The following MYOCD variants were observed in gnomAD, a reference collection of about 807,000 sequenced individuals.
MYOCD encodes myocardin.
In MYOCD, 32 loss-of-function variants were observed where a neutral mutation model predicts 96.1. The ratio of observed to expected loss-of-function variants is 0.33; its 90% CI spans 0.25 to 0.45. The LOEUF (loss-of-function observed/expected upper bound fraction) is 0.45, where lower values mean the gene tolerates loss of function less well. Among genes scored for constraint, MYOCD ranks in the 20% least tolerant of loss-of-function variants. The pLI is 1.00. For synonymous variants in MYOCD, 469 were observed against 469.0 expected (o/e 1.00, Z 0.00); for missense variants, 1,133 against 1,200.6 (o/e 0.94, Z 0.83).
At chr17:12,706,076 G>A (rs1360686641) in intron 2 of MYOCD, 1 of 152,156 alleles carries the variant, frequency 6.6e-6, no homozygotes, top group African/African-American at 2.4e-5. Flanking sequence ...ATATTGAAGC[G>A]CTATGACCCA....
chr17:12,686,002 G>C (rs560357804), intron 1 of MYOCD, among the ~76,000 whole-genome samples: 1 of 152,198 alleles, frequency 6.6e-6, no homozygotes, highest in Non-Finnish European at 1.5e-5. Context: ...CCTCTAAAGG[G>C]TCACTTTGGT....
At chr17:12,669,523 A>G (rs1472598299) in intron 1 of MYOCD, among the ~76,000 whole-genome samples, 2 of 152,234 alleles carry the variant, frequency 1.3e-5, no homozygotes, top group Non-Finnish European at 2.9e-5. Context: ...CTTTTTCACT[A>G]TATAGCAGTA....
chr17:12,753,862 T>C (rs1378105058), intron 10 of MYOCD, among the ~76,000 whole-genome samples: 1 of 152,160 alleles, frequency 6.6e-6, no homozygotes, highest in Non-Finnish European at 1.5e-5. Flanking sequence ...CATGTAATGG[T>C]CTGCATAGTG....
intron 1 of MYOCD, 92 bp downstream of exon 1, chr17:12,666,335 TG>T: frequency 2.0e-6 from 2 of 976,712 alleles, no homozygotes; most frequent in South Asian, 2.8e-5. Context: ...TTTCAAAGCC[TG>T]CCAGGTCTAC....
At chr17:12,725,729 G>A (rs1417255165) in intron 5 of MYOCD, among the ~76,000 whole-genome samples, 1 of 151,500 alleles carries the variant, frequency 6.6e-6, no homozygotes, top group Non-Finnish European at 1.5e-5. Flanking sequence ...TTATATTGAT[G>A]ATTACATACA....
intron 5 of MYOCD, among the ~76,000 whole-genome samples, chr17:12,724,177 C>A (rs2031929467): frequency 6.6e-6 from 1 of 152,170 alleles, no homozygotes; most frequent in Non-Finnish European, 1.5e-5. Context: ...GTAAAAATCT[C>A]CATCAGGCAT....
intron 1 of MYOCD, among the ~76,000 whole-genome samples, chr17:12,669,811 G>A (rs976870188): frequency 6.6e-6 from 1 of 152,022 alleles, no homozygotes; most frequent in East Asian, 1.9e-4. Context: ...GTAGAGACAG[G>A]GTTTCACCAT....
chr17:12,694,697 C>T (rs145416232), intron 1 of MYOCD, among the ~76,000 whole-genome samples: 5 of 152,142 alleles, frequency 3.3e-5, no homozygotes, highest in South Asian at 2.1e-4. Flanking sequence ...ACGTACCAAA[C>T]GCCTTCAAAT....
chr17:12,763,613 C>A lies in MYOCD; in HGVS notation c.2930C>A (p.Ser977Tyr), dbSNP rs2033252225. 6.2e-7 allele frequency: 1 copy of A among 1,613,240 alleles called. No individual in the cohort carries two copies. The highest frequency in any genetic ancestry group is 1.3e-5 in the African/African-American group (1 of 75,066). Reference sequence around the variant, plus strand: ...GATGTCACTGATCTCAATTTGAATTCTTCCATGGACCTTCACTTGCAGCAG... The same window carrying A: ...GATGTCACTGATCTCAATTTGAATTATTCCATGGACCTTCACTTGCAGCAG... ...FLDVTDLNLN[S>Y]SMDLHLQQW Residue 977 changes from serine to tyrosine, a missense_variant, in exon 14 of 14, where the codon TCT (serine) becomes TAT (tyrosine). Ser to Tyr is a moderately radical substitution (Grantham distance 144). Transcript: ENST00000425538.
chr17:12,705,472 T>C (rs964616293), intron 2 of MYOCD: 2 of 299,660 alleles, frequency 6.7e-6, no homozygotes, highest in South Asian at 2.9e-4. Context: ...CACCCCTGAC[T>C]CATCTACTTT....
At chr17:12,707,700 C>T (rs535225992) in intron 2 of MYOCD, among the ~76,000 whole-genome samples, 11 of 151,984 alleles carry the variant, frequency 7.2e-5, no homozygotes, top group East Asian at 3.9e-4. Flanking sequence ...GGCAACAGAG[C>T]GAGACTCCGT....
At chr17:12,673,629 C>T in intron 1 of MYOCD, among the ~76,000 whole-genome samples, 1 of 152,134 alleles carries the variant, frequency 6.6e-6, no homozygotes, top group East Asian at 1.9e-4. Flanking sequence ...CATAACACTA[C>T]TGTGAAATCC....
At position 12,753,258 on chromosome 17, in the gene MYOCD, A is replaced by G. The variant is rs1439297872; in HGVS notation, c.1970A>G (p.Asn657Ser). 1.9e-6 allele frequency: 3 copies of G among 1,613,868 alleles called. No individual in the cohort carries two copies. The East Asian group carries it at 6.7e-5, about 36-fold the overall frequency. The change falls in exon 10 of 14, where the codon AAC (asparagine) becomes AGC (serine). Residue 657 changes from asparagine (N) to serine (S), a missense_variant. Asn to Ser is a conservative substitution (Grantham distance 46). Transcript: ENST00000425538. ...ATCAGTTTGCCCCCATCACCCAACA[A>G]CCCTCACTTTCTGCCCTCATCCTCC... ...QHISLPPSPN[N>S]PHFLPSSSGA...
At chr17:12,698,381 T>C (rs1201669613) in intron 1 of MYOCD, among the ~76,000 whole-genome samples, 1 of 152,138 alleles carries the variant, frequency 6.6e-6, no homozygotes, top group Non-Finnish European at 1.5e-5. Flanking sequence ...GCATCAGTGA[T>C]TTAACAGGGC....
intron 1 of MYOCD, among the ~76,000 whole-genome samples, chr17:12,673,111 G>A (rs1159308369): frequency 6.6e-6 from 1 of 152,018 alleles, no homozygotes; most frequent in South Asian, 2.1e-4. Context: ...TCTATTTCCG[G>A]AAACACTCTC....
At chr17:12,677,540 A>G (rs12150663) in intron 1 of MYOCD, among the ~76,000 whole-genome samples, 20,978 of 151,764 alleles carry the variant, frequency 0.14, 2,927 homozygotes, top group African/African-American at 0.36. Context: ...GTGAAACCCC[A>G]TCTCTACTAA....
intron 6 of MYOCD, among the ~76,000 whole-genome samples, chr17:12,738,441 G>A (rs1489343205): frequency 6.6e-6 from 1 of 152,014 alleles, no homozygotes; most frequent in African/African-American, 2.4e-5. Flanking sequence ...TTATACACAT[G>A]CATGCGCACG....
At chr17:12,717,663 T>G (rs2031691115) in intron 4 of MYOCD, among the ~76,000 whole-genome samples, 2 of 152,202 alleles carry the variant, frequency 1.3e-5, no homozygotes, top group South Asian at 4.1e-4. Flanking sequence ...ATCTCCTAAC[T>G]CTAAGGCCTG....
In MYOCD at chr17:12,764,534, G is replaced by C. The variant is rs904062054; in HGVS notation, c.*890G>C. ...AAGTATATCTCGAGGCACAGGAAGG[G>C]AGCCCCACCAGGGATAATTCAGACA... On this transcript the variant is annotated 3_prime_UTR_variant, in exon 14 of 14. Coordinates refer to ENST00000425538, the MANE Select transcript of MYOCD (RefSeq NM_001146312.3). The C allele has an allele frequency of 3.9e-5, 6 of 152,294 alleles. No homozygotes were observed. The highest frequency in any genetic ancestry group is 7.3e-5 in the Non-Finnish European group (5 of 68,118). The allele number at this position is 152,294 out of a possible 1,614,324, so 9.4% of individuals were successfully genotyped here.
Sources: allele counts gnomAD v4.1 joint callset (sites outside exome capture counted in the v4.1 genomes callset), GRCh38; gene constraint gnomAD v4.1.1; transcripts MANE v1.5; gene names NCBI Gene and HGNC (gene_info 2026-07-23, HGNC 2026-07-21).